Variants in TBCD observed in about 807,000 individuals in gnomAD.
TBCD encodes the protein tubulin-specific chaperone D.
A neutral mutation model predicts 169.3 loss-of-function variants in TBCD; 105 were observed. The ratio of observed to expected loss-of-function variants is 0.62; its 90% CI spans 0.53 to 0.73. The LOEUF (loss-of-function observed/expected upper bound fraction) is 0.73. Among genes scored for constraint, TBCD ranks in the 30% least tolerant of loss-of-function variants. TBCD has a pLI of 0.00. For missense variants in TBCD, 1,444 were observed against 1,600.1 expected (o/e 0.90, Z 1.66); for synonymous variants, 700 against 643.9 (o/e 1.09, Z -1.32).
At position 82,873,792 on chromosome 17, in the gene TBCD, G is replaced by A. The variant is rs565318356; in HGVS notation, c.1475+3412G>A. 7.9e-5 allele frequency among the ~76,000 whole-genome samples: 12 copies of A among 152,300 alleles called. No homozygotes were observed. In the South Asian group the frequency reaches 1.9e-3, roughly 24 times the overall value. On this transcript the variant is annotated intron_variant, in intron 14 of 38. Transcript: ENST00000355528. ...GGCCCCGTGCTTCATGGAGGTTGGC[G>A]CCGCTCGGTGGCCTGCTCGCTTATT...
At chr17:82,847,728 TCTC>T (rs1375375943) in intron 13 of TBCD, among the ~76,000 whole-genome samples, 1 of 152,160 alleles carries the variant, frequency 6.6e-6, no homozygotes, top group African/African-American at 2.4e-5. Context: ...TTCAAGTCAT[TCTC>T]CTGCCTCAGC....
At position 82,920,548 on chromosome 17, in the gene TBCD, T is replaced by C. The variant is rs1202844681; in HGVS notation, c.2039-8T>C. 6.5e-7 allele frequency: 1 copy of C among 1,534,678 alleles called. No homozygotes were observed. The highest frequency in any genetic ancestry group is 2.1e-5 in the Admixed American group (1 of 47,768). ...CATTGCGTCTATCCTTTTTTTTTTT[T>C]TTTCCAGTGTGTGTTTTAATAGAAA... is the stretch of plus-strand genomic sequence containing the variant. On this transcript the variant is annotated splice_polypyrimidine_tract_variant and splice_region_variant and intron_variant, in intron 23 of 38. Transcript: ENST00000355528. This position sits in a 1 kb window ranked among gnomAD's most constrained non-coding sequence, Gnocchi z 4.1.
intron 13 of TBCD, among the ~76,000 whole-genome samples, chr17:82,856,151 A>T (rs1411700961): frequency 1.3e-5 from 2 of 151,550 alleles, no homozygotes; most frequent in Non-Finnish European, 2.9e-5. Context: ...AAATTCATAT[A>T]GTAAGACAAA....
intron 9 of TBCD, among the ~76,000 whole-genome samples, chr17:82,805,213 T>C (rs564744810): frequency 6.6e-6 from 1 of 152,262 alleles, no homozygotes; most frequent in African/African-American, 2.4e-5. Flanking sequence ...CGTTCCCATT[T>C]TATAGAGGGG....
rs1180163216 is a variant in TBCD, at chr17:82,915,026, C to T, written c.2038+3237C>T. Among the ~76,000 whole-genome samples, 1 of 152,140 alleles carries T rather than the reference C, an allele frequency of 6.6e-6. No individual in the cohort carries two copies. The highest frequency in any genetic ancestry group is 1.5e-5 in the Non-Finnish European group (1 of 68,028). ...TCTGTATTTCTGAGTTCTGTATGTA[C>T]GCAGCTGTTTCCTGATATCCTTAGT... On this transcript the variant is annotated intron_variant, in intron 23 of 38. Coordinates refer to ENST00000355528, the MANE Select transcript of TBCD (RefSeq NM_005993.5). The surrounding 1 kb of genome is among the most constrained non-coding windows in gnomAD (Gnocchi z 4.3).
chr17:82,825,287 T>C (rs2052743660), intron 13 of TBCD, among the ~76,000 whole-genome samples: 1 of 152,128 alleles, frequency 6.6e-6, no homozygotes, highest in East Asian at 1.9e-4. Flanking sequence ...GGCTGTATTC[T>C]TGGGGGTGTG....
At chr17:82,796,931 G>C (rs118094311) in intron 7 of TBCD, among the ~76,000 whole-genome samples, 3,011 of 152,314 alleles carry the variant, frequency 0.02, 49 homozygotes, top group South Asian at 0.034. Flanking sequence ...TGTGGTGGGC[G>C]ACAGCAGGAC....
rs747955818 is a variant in TBCD at position 82,906,024 on chromosome 17, C to T, written c.1893C>T (p.Ala631=). The change falls in exon 20 of 39, where the codon GCC becomes GCT. Residue 631 remains alanine (A), a synonymous_variant. Transcript: ENST00000355528. ...SILACAEVAY[A]LYKLAAQENR... ...TCGCCTGCGCAGAAGTTGCTTACGC[C>T]TTGTACAAACTTGCAGCCCAAGAGA... The T allele has an allele frequency of 1.5e-5, 24 of 1,610,286 alleles. No homozygotes were observed. Among genetic ancestry groups the T allele is most frequent in the Non-Finnish European group, 2.0e-5 (23 of 1,178,324 alleles).
rs112074039 is a variant in TBCD at position 82,930,599 on chromosome 17, C to T, written c.3069C>T (p.Ser1023=). Residue 1023 remains serine, a synonymous_variant, in exon 33 of 39, where the codon AGC becomes AGT. Transcript: ENST00000355528. The surrounding 1 kb of genome is among the most constrained non-coding windows in gnomAD (Gnocchi z 5.2). ...QSDPQALGSF[S]GTLLQIFEDN... ...ACCCGCAGGCCCTGGGCAGCTTCAG[C>T]GGGACCCTTCTGCAGATCTTTGAGG... 1.7e-3 allele frequency: 2,693 copies of T among 1,613,896 alleles called. 22 individuals are homozygous for T. Among genetic ancestry groups the T allele is most frequent in the Middle Eastern group, 0.013 (80 of 6,060 alleles).
intron 13 of TBCD, among the ~76,000 whole-genome samples, chr17:82,824,589 C>G (rs2052682230): frequency 6.6e-6 from 1 of 152,008 alleles, no homozygotes; most frequent in South Asian, 2.1e-4. Context: ...AACTCCTGGG[C>G]TTGAGCGACT....
chr17:82,801,781 C>T (rs1347195327), intron 9 of TBCD, among the ~76,000 whole-genome samples: 4 of 136,006 alleles, frequency 2.9e-5, no homozygotes, highest in African/African-American at 5.7e-5. Flanking sequence ...AGGAGGGCGG[C>T]GTGTGCATCG....
intron 13 of TBCD, among the ~76,000 whole-genome samples, chr17:82,847,604 AT>A (rs2055257256): frequency 6.6e-6 from 1 of 152,156 alleles, no homozygotes; most frequent in South Asian, 2.1e-4. Context: ...CAATACCTAA[AT>A]TTTAATTTGT....
intron 13 of TBCD, among the ~76,000 whole-genome samples, chr17:82,865,156 C>A (rs2057073919): frequency 6.8e-6 from 1 of 146,930 alleles, no homozygotes; most frequent in Non-Finnish European, 1.5e-5. Flanking sequence ...CTAGCAAATT[C>A]AACACTGGCG....
Position 82,915,606 on chromosome 17 carries a change from T to G in TBCD, c.2038+3817T>G, listed in dbSNP as rs1299590439. Among the ~76,000 whole-genome samples the G allele has an allele frequency of 1.3e-5, 2 of 152,206 alleles. No homozygotes were observed. On this transcript the variant is annotated intron_variant, in intron 23 of 38. Transcript: ENST00000355528. This position sits in a 1 kb window ranked among gnomAD's most constrained non-coding sequence, Gnocchi z 4.3. The stretch of plus-strand genomic sequence containing the variant: ...TTTGTCAGTCAGGGTGGACTGCGTT[T>G]TGCTCTTGAAACAATCCCCAAGTTT...
In TBCD at chr17:82,753,868, G is replaced by GT. The variant is rs57196730; in HGVS notation, c.184+1508dup. Among the ~76,000 whole-genome samples the GT allele has an allele frequency of 4.7e-3, 583 of 125,262 alleles. 2 individuals are homozygous for GT. Among genetic ancestry groups the GT allele is most frequent in the African/African-American group, 9.4e-3 (305 of 32,472 alleles). The allele number at this position is 125,262 out of a possible 152,430, so 82.2% of individuals were successfully genotyped here. On this transcript the variant is annotated intron_variant, in intron 1 of 38. Transcript: ENST00000355528. The stretch of plus-strand genomic sequence containing the variant: ...GGTTGAAAGGGAGACTAGACTAGAG[G>GT]TTTTTTTTTTTTTTTTTGAGGCGGA...
Position 82,855,235 on chromosome 17 carries a change from CTTTTTTT to C in TBCD, c.1319-14959_1319-14953del, listed in dbSNP as rs58346723. Among the ~76,000 whole-genome samples the C allele has an allele frequency of 7.0e-3, 379 of 53,944 alleles. 1 individual carries two copies. Among genetic ancestry groups the C allele is most frequent in the African/African-American group, 0.012 (186 of 15,268 alleles). 35.4% of individuals were successfully genotyped at this position (53,944 alleles called of 152,430 possible). A position where few individuals can be genotyped will look rare whatever the true frequency, so the allele number is the denominator to read the frequency against. ...CCAGAGGGGCAGGGAAAGGTGTTTG[CTTTTTTT>C]TTTTTTTTTTTTTTTTTTTTTTTTT... On this transcript the variant is annotated intron_variant, in intron 13 of 38. Coordinates refer to ENST00000355528, the MANE Select transcript of TBCD (RefSeq NM_005993.5).
chr17:82,837,197 G>GTTC (rs1232619432), intron 13 of TBCD, among the ~76,000 whole-genome samples: 11 of 152,322 alleles, frequency 7.2e-5, no homozygotes, highest in Admixed American at 2.0e-4. Context: ...CAGCCTGTGA[G>GTTC]TTCTGTGTCC....
chr17:82,752,358 G>T lies in TBCD; in HGVS notation c.165G>T (p.Val55=). 1 of 1,382,632 alleles carries T rather than the reference G, an allele frequency of 7.2e-7. No homozygotes were observed. Among genetic ancestry groups the T allele is most frequent in the Non-Finnish European group, 9.3e-7 (1 of 1,080,314 alleles). 85.6% of individuals were successfully genotyped at this position (1,382,632 alleles called of 1,614,324 possible). Residue 55 remains valine (V), a synonymous_variant, in exon 1 of 39, where the codon GTG becomes GTT. Coordinates refer to ENST00000355528, the MANE Select transcript of TBCD (RefSeq NM_005993.5). ...EVHGGGAERE[V]ALERFRVIMD... is the part of the protein sequence containing the mutation. ...ACGGCGGCGGCGCGGAGCGCGAGGT[G>T]GCCCTGGAGCGGTTCCGCGGTGCGT...
intron 9 of TBCD, among the ~76,000 whole-genome samples, chr17:82,801,439 C>T (rs202129447): frequency 2.6e-5 from 4 of 151,106 alleles, no homozygotes; most frequent in South Asian, 4.2e-4. Context: ...GTGGCGTGTG[C>T]GTCGTGTGGC....
Sources: gnomAD v4.1 joint callset for allele counts (sites outside exome capture counted in the v4.1 genomes callset) on GRCh38, gnomAD v4.1.1 for gene constraint, Gnocchi (gnomAD v3.1) non-coding constraint, MANE v1.5 for transcripts, NCBI Gene and HGNC (gene_info 2026-07-23, HGNC 2026-07-21) for gene names.